Variants in PCDH15 observed in about 807,000 individuals in gnomAD.
PCDH15 encodes protocadherin related 15.
In PCDH15, 129 loss-of-function variants were observed where a neutral mutation model predicts 178.5. That is an observed-to-expected ratio of 0.72 (90% confidence interval 0.63 to 0.84). The LOEUF is 0.84. Among genes scored for constraint, PCDH15 ranks in the 40% least tolerant of loss-of-function variants. The pLI, the probability that PCDH15 is intolerant of heterozygous loss-of-function variation, is 0.00. For synonymous variants in PCDH15, 800 were observed against 732.0 expected (o/e 1.09, Z -1.50); for missense variants, 2,230 against 2,099.9 (o/e 1.06, Z -1.21).
At chr10:55,174,809 A>G (rs1839432549) in intron 1 of PCDH15, among the ~76,000 whole-genome samples, 1 of 152,108 alleles carries the variant, frequency 6.6e-6, no homozygotes, top group South Asian at 2.1e-4. Context: ...TCATGCCCCT[A>G]TAAGAGATGC....
chr10:53,827,572 G>A, intron 31 of PCDH15, 24 bp from the exon 32 acceptor site: 1 of 1,613,874 alleles, frequency 6.2e-7, no homozygotes. Flanking sequence ...AGGATGGCTT[G>A]TAAAACTCAT....
chr10:53,925,325 G>C (rs1014208199), intron 25 of PCDH15, among the ~76,000 whole-genome samples: 4 of 152,060 alleles, frequency 2.6e-5, no homozygotes, highest in Non-Finnish European at 5.9e-5. Context: ...GCCACCTTAA[G>C]AGCTGTAACG....
At chr10:53,941,356 C>T (rs1296945802) in intron 23 of PCDH15, among the ~76,000 whole-genome samples, 1 of 152,130 alleles carries the variant, frequency 6.6e-6, no homozygotes, top group Admixed American at 6.6e-5. Flanking sequence ...CTCTGGCAAC[C>T]ACTGATCTTT....
chr10:54,124,809 T>C (rs1564477468), intron 15 of PCDH15, among the ~76,000 whole-genome samples: 1 of 152,064 alleles, frequency 6.6e-6, no homozygotes, highest in Non-Finnish European at 1.5e-5. Context: ...GAAAGAGAAG[T>C]AAAAACCCTG....
At chr10:55,389,770 A>G (rs1837749386) in intron 2 of PCDH15, among the ~76,000 whole-genome samples, 1 of 152,128 alleles carries the variant, frequency 6.6e-6, no homozygotes, top group Admixed American at 6.6e-5. Context: ...CAGTTGAAAC[A>G]ACCCTAAAGT....
intron 2 of PCDH15, among the ~76,000 whole-genome samples, chr10:54,532,461 C>A (rs1410501205): frequency 6.6e-6 from 1 of 152,072 alleles, no homozygotes; most frequent in Non-Finnish European, 1.5e-5. Context: ...CTCATAATAT[C>A]AATTTATGAT....
At chr10:55,335,676 G>T (rs979652358) in intron 2 of PCDH15, among the ~76,000 whole-genome samples, 4 of 152,120 alleles carry the variant, frequency 2.6e-5, no homozygotes, top group African/African-American at 9.7e-5. Flanking sequence ...CGCACAGTTT[G>T]TTATTATAGT....
intron 3 of PCDH15, among the ~76,000 whole-genome samples, chr10:54,446,311 T>C (rs2076138602): frequency 6.6e-6 from 1 of 151,720 alleles, no homozygotes; most frequent in East Asian, 1.9e-4. Context: ...GATATTTAAA[T>C]ACATTCTCTC....
intron 28 of PCDH15, among the ~76,000 whole-genome samples, chr10:53,856,816 T>C (rs1385802522): frequency 6.6e-6 from 1 of 152,130 alleles, no homozygotes; most frequent in Non-Finnish European, 1.5e-5. Flanking sequence ...CTGAACATTG[T>C]AATGATTAAA....
intron 2 of PCDH15, among the ~76,000 whole-genome samples, chr10:55,048,935 G>A (rs529215210): frequency 6.6e-6 from 1 of 151,922 alleles, no homozygotes; most frequent in South Asian, 2.1e-4. Flanking sequence ...AGTCTGTCTT[G>A]TTATTCAATA....
chr10:55,353,248 C>T (rs530520573), intron 2 of PCDH15, among the ~76,000 whole-genome samples: 2 of 152,198 alleles, frequency 1.3e-5, no homozygotes, highest in South Asian at 4.1e-4. Context: ...AATAAACATA[C>T]TCACTTCTCA....
intron 3 of PCDH15, among the ~76,000 whole-genome samples, chr10:54,836,829 C>A (rs1953325561): frequency 6.6e-6 from 1 of 151,890 alleles, no homozygotes; most frequent in Non-Finnish European, 1.5e-5. Context: ...AAACTACTGA[C>A]AAAGGGGAAA....
intron 3 of PCDH15, among the ~76,000 whole-genome samples, chr10:54,500,827 T>C (rs1389551296): frequency 6.6e-6 from 1 of 151,960 alleles, no homozygotes; most frequent in African/African-American, 2.4e-5. Flanking sequence ...CCATCTCACT[T>C]GGAACCAACT....
At chr10:53,841,295 A>G (rs969041854) in intron 28 of PCDH15, among the ~76,000 whole-genome samples, 19 of 152,064 alleles carry the variant, frequency 1.2e-4, no homozygotes, top group Non-Finnish European at 2.6e-4. Flanking sequence ...CAGATGTTTA[A>G]ATTTAAATAA....
At chr10:54,511,989 C>T (rs1324109341) in intron 3 of PCDH15, among the ~76,000 whole-genome samples, 1 of 151,960 alleles carries the variant, frequency 6.6e-6, no homozygotes, top group Non-Finnish European at 1.5e-5. Context: ...CTAATACCTG[C>T]TAATCCAGCT....
intron 3 of PCDH15, 88 bp downstream of exon 3, chr10:54,527,724 T>A: frequency 9.3e-7 from 1 of 1,076,904 alleles, no homozygotes. Context: ...ACTTTCATTT[T>A]AGTACCTCTA....
At chr10:55,356,489 T>G (rs553769672) in intron 2 of PCDH15, among the ~76,000 whole-genome samples, 3 of 151,986 alleles carry the variant, frequency 2.0e-5, no homozygotes, top group South Asian at 4.1e-4. Flanking sequence ...TGTTTTTGTT[T>G]TTTCTGATCT....
chr10:54,980,876 T>C (rs1351100767), intron 2 of PCDH15, among the ~76,000 whole-genome samples: 1 of 151,976 alleles, frequency 6.6e-6, no homozygotes, highest in African/African-American at 2.4e-5. Context: ...AAATTGAATA[T>C]AGAAATGAGT....
At chr10:54,057,764 C>T (rs2135709638) in intron 18 of PCDH15, among the ~76,000 whole-genome samples, 1 of 152,308 alleles carries the variant, frequency 6.6e-6, no homozygotes, top group South Asian at 2.1e-4. Flanking sequence ...TTCTTTACTA[C>T]TGCCTCATCA....
Sources: gnomAD v4.1 joint callset for allele counts (sites outside exome capture counted in the v4.1 genomes callset) on GRCh38, gnomAD v4.1.1 for gene constraint, MANE v1.5 for transcripts, NCBI Gene and HGNC (gene_info 2026-07-23, HGNC 2026-07-21) for gene names.